The following GYS1 variants were observed in gnomAD, a reference collection of about 807,000 sequenced individuals.
GYS1 encodes the protein glycogen [starch] synthase, muscle.
A neutral mutation model predicts 89.1 loss-of-function variants in GYS1; 60 were observed. That is an observed-to-expected ratio of 0.67 (90% CI 0.55 to 0.84). The LOEUF is 0.84. Among genes scored for constraint, GYS1 ranks in the 40% least tolerant of loss-of-function variants. The pLI is 0.00. For missense variants in GYS1, 888 were observed against 1,003.1 expected, an observed-to-expected ratio of 0.89 and a Z score of 1.55; for synonymous variants, 366 against 401.7, an observed-to-expected ratio of 0.91 and a Z score of 1.06.
chr19:48,982,622 C>T, intron 6 of GYS1, 98 bp downstream of exon 6: 1 of 975,398 alleles, frequency 1.0e-6, no homozygotes, highest in Non-Finnish European at 1.7e-6. Flanking sequence ...TCCCTCAGAC[C>T]CAGGAGTCTG....
At chr19:48,981,931 C>T (rs548034794) in intron 7 of GYS1, among the ~76,000 whole-genome samples, 1 of 152,154 alleles carries the variant, frequency 6.6e-6, no homozygotes, top group East Asian at 1.9e-4. Flanking sequence ...CTTTTTCTGT[C>T]GCCCAGGCTG....
In GYS1 at chr19:48,970,582, G is replaced by C; in HGVS notation, c.1773C>G (p.Arg591=). The stretch of plus-strand genomic sequence containing the variant: ...ATTTCCAGTCCAGAAGGTCGGAGAG[G>C]CGCTCCGTGCGGTTCCGCTGGATGA... The part of the protein sequence containing the change: ...QRIIQRNRTE[R]LSDLLDWKYL... Residue 591 remains arginine (R), a synonymous_variant, in exon 14 of 16, where the codon CGC becomes CGG. Coordinates refer to ENST00000323798, the MANE Select transcript of GYS1 (RefSeq NM_002103.5). The C allele has an allele frequency of 6.2e-7, 1 of 1,613,878 alleles. No individual in the cohort carries two copies. Among genetic ancestry groups the C allele is most frequent in the Non-Finnish European group, 8.5e-7 (1 of 1,179,890 alleles).
In GYS1 at chr19:48,991,291, C is replaced by T. The variant is rs201417230; in HGVS notation, c.300+11G>A. 60 of 1,612,890 alleles carry T rather than the reference C, an allele frequency of 3.7e-5. No individual in the cohort carries two copies. The East Asian group carries it at 6.5e-4, about 17-fold the overall frequency. On this transcript the variant is annotated intron_variant, in intron 2 of 15. Coordinates refer to ENST00000323798, the MANE Select transcript of GYS1 (RefSeq NM_002103.5). The surrounding 1 kb of genome is among the most constrained non-coding windows in gnomAD (Gnocchi z 4.7). ...CCACCCGCTTCTGCCCTGGGCTGGG[C>T]CACGTCCCACCTTGCAGCCCTTGCT... is the stretch of plus-strand genomic sequence containing the variant.
intron 10 of GYS1, among the ~76,000 whole-genome samples, chr19:48,976,168 A>G (rs1489064780): frequency 6.6e-6 from 1 of 152,044 alleles, no homozygotes; most frequent in Non-Finnish European, 1.5e-5. Flanking sequence ...TGGCAGAAAC[A>G]TTCATAATGA....
At chr19:48,970,176 T>G (rs2038536978) in intron 14 of GYS1, 2 of 474,764 alleles carry the variant, frequency 4.2e-6, no homozygotes, top group Non-Finnish European at 7.7e-6. Context: ...TAGGATGGAG[T>G]GCAGTGGGTT....
At chr19:48,976,325 G>A (rs1283247883) in intron 10 of GYS1, among the ~76,000 whole-genome samples, 2 of 152,096 alleles carry the variant, frequency 1.3e-5, no homozygotes, top group African/African-American at 2.4e-5. Flanking sequence ...CTGGACCCCA[G>A]AGAATGAAAG....
rs1555800147 is a variant in GYS1 at position 48,990,007 on chromosome 19, G to GGGGC, written c.300+1294_300+1295insGCCC. On this transcript the variant is annotated intron_variant, in intron 2 of 15. Coordinates refer to ENST00000323798, the MANE Select transcript of GYS1 (RefSeq NM_002103.5). ...TTGTCTGCCCTTTTGCTGGGGGGGG[G>GGGGC]GGGGGGCTATTCTTAGGCCCCCAGC... Among the ~76,000 whole-genome samples the GGGGC allele has an allele frequency of 6.6e-5, 10 of 150,378 alleles. 1 individual carries two copies. Among genetic ancestry groups the GGGGC allele is most frequent in the African/African-American group, 2.0e-4 (8 of 40,494 alleles).
Position 48,969,159 on chromosome 19 carries a change from G to T in GYS1, c.*129C>A. 1.3e-6 allele frequency: 1 copy of T among 788,852 alleles called. No individual in the cohort carries two copies. The highest frequency in any genetic ancestry group is 2.0e-6 in the Non-Finnish European group (1 of 500,456). The allele number at this position is 788,852 out of a possible 1,614,324, so 48.9% of individuals were successfully genotyped here. ...AGCTGGAGGGGGTGGAGTGTTTGGC[G>T]GACTGGGTGGGGGCACTGCGGGGCC... On this transcript the variant is annotated 3_prime_UTR_variant, in exon 16 of 16. Transcript: ENST00000323798.
At chr19:48,981,478 A>G (rs1426023865) in intron 8 of GYS1, 52 bp downstream of exon 8, 1 of 948,910 alleles carries the variant, frequency 1.1e-6, no homozygotes, top group Non-Finnish European at 1.7e-6. Context: ...CAGGACCCAA[A>G]GCATGCATCT....
At chr19:48,984,684 G>A (rs996176384) in intron 5 of GYS1, among the ~76,000 whole-genome samples, 2 of 152,032 alleles carry the variant, frequency 1.3e-5, no homozygotes, top group South Asian at 2.1e-4. Context: ...GTGAGCCACT[G>A]CGCCCAGCCT....
At chr19:48,983,713 C>A (rs1226763656) in intron 5 of GYS1, among the ~76,000 whole-genome samples, 1 of 151,982 alleles carries the variant, frequency 6.6e-6, no homozygotes, top group Admixed American at 6.5e-5. Flanking sequence ...ATACTAAGGG[C>A]TGGGAAGAAT....
At chr19:48,987,948 C>A (rs565696174) in intron 2 of GYS1, among the ~76,000 whole-genome samples, 2 of 152,246 alleles carry the variant, frequency 1.3e-5, no homozygotes, top group African/African-American at 4.8e-5. Context: ...CTACAGCGGC[C>A]CGCCACCACG....
At chr19:48,979,336 C>CTT (rs777178030) in intron 8 of GYS1, among the ~76,000 whole-genome samples, 17 of 92,754 alleles carry the variant, frequency 1.8e-4, no homozygotes, top group Non-Finnish European at 2.9e-4. Flanking sequence ...TTTTTCTTTT[C>CTT]TTTTTTTTTT....
intron 10 of GYS1, among the ~76,000 whole-genome samples, chr19:48,976,446 G>A (rs1256993927): frequency 6.6e-6 from 1 of 151,970 alleles, no homozygotes; most frequent in African/African-American, 2.4e-5. Context: ...ATAGAATGAC[G>A]GTAAGTTCTC....
chr19:48,977,745 C>T (rs1008560815), intron 10 of GYS1, among the ~76,000 whole-genome samples, 179 bp downstream of exon 10: 2 of 152,200 alleles, frequency 1.3e-5, no homozygotes. Flanking sequence ...TCGCCTCCAG[C>T]AACTGAAGTT....
At chr19:48,979,363 T>TTTTTTTTTTTTTTTTTTTTTTTTTTTC (rs2038715470) in intron 8 of GYS1, among the ~76,000 whole-genome samples, 1 of 58,186 alleles carries the variant, frequency 1.7e-5, no homozygotes, top group African/African-American at 7.5e-5. Flanking sequence ...TTTTTTTTTT[T>TTTTTTTTTTTTTTTTTTTTTTTTTTTC]TTTTTTTTTT....
At chr19:48,973,965 G>T (rs907927626) in intron 12 of GYS1, among the ~76,000 whole-genome samples, 5 of 147,316 alleles carry the variant, frequency 3.4e-5, no homozygotes, top group African/African-American at 1.4e-4. Context: ...GGGGGCCACT[G>T]CTTTCTGGGA....
rs780311141 is a variant in GYS1 at position 48,985,652 on chromosome 19, ACT to A, written c.679-49_679-48del. 3.7e-6 allele frequency: 6 copies of A among 1,607,204 alleles called. No homozygotes were observed. The East Asian group carries it at 1.1e-4, about 30-fold the overall frequency. ...TCCGGTTAGAAGGATTGGGGAGAAG[ACT>A]CTGGAGGTCCAGACACTGGGGTCCC... On this transcript the variant is annotated intron_variant, in intron 4 of 15. Transcript: ENST00000323798.
intron 14 of GYS1, chr19:48,970,293 T>A: frequency 2.0e-6 from 1 of 496,806 alleles, no homozygotes; most frequent in Non-Finnish European, 3.6e-6. Context: ...CTCGGCTGAT[T>A]TTTTTTTATT....
Sources: allele counts gnomAD v4.1 joint callset (sites outside exome capture counted in the v4.1 genomes callset), GRCh38; gene constraint gnomAD v4.1.1; non-coding constraint Gnocchi (gnomAD v3.1); transcripts MANE v1.5; gene names NCBI Gene and HGNC (gene_info 2026-07-23, HGNC 2026-07-21).